WDR41: variants seen among roughly 807,000 people sequenced by gnomAD.
WDR41 encodes WD repeat domain 41.
WDR41 carries 63 observed loss-of-function variants against 69.3 expected under a neutral mutation model. The observed-to-expected ratio is 0.91, with a 90% CI of 0.74 to 1.12. WDR41 has a LOEUF of 1.12. WDR41 is among the 50% of genes most tolerant of loss of function. The pLI is 0.00. For missense variants in WDR41, 543 were observed against 534.5 expected (o/e 1.02, Z -0.16); for synonymous variants, 185 against 192.1 (o/e 0.96, Z 0.31).
intron 1 of WDR41, among the ~76,000 whole-genome samples, chr5:77,517,244 T>C (rs1802303226): frequency 6.6e-6 from 1 of 152,060 alleles, no homozygotes. Context: ...CTGCTACTAG[T>C]TTCTGCCATA....
At chr5:77,590,931 G>A (rs1398790759) in intron 1 of WDR41, among the ~76,000 whole-genome samples, 6 of 152,064 alleles carry the variant, frequency 3.9e-5, no homozygotes, top group Middle Eastern at 3.2e-3. Flanking sequence ...AAAAGTTTAT[G>A]TAAGACTTGG....
rs146975362 is a variant in WDR41 at position 77,582,389 on chromosome 5, A to G, written c.42+38090T>C. ...CCGGCTGGAACCATGGAGGGTGTAG[A>G]AGAGAAGAAGAAGGAGGTTCCTGCT... On this transcript the variant is annotated intron_variant, in intron 1 of 5. Transcript: ENST00000509971. The G allele has an allele frequency of 2.5e-6, 4 of 1,610,470 alleles. 1 individual carries two copies. In the African/African-American group the frequency reaches 4.0e-5, roughly 16 times the overall value.
Position 77,489,557 on chromosome 5 carries a change from T to C in WDR41, c.67A>G (p.Thr23Ala). 6.3e-7 allele frequency: 1 copy of C among 1,582,680 alleles called. No homozygotes were observed. Among genetic ancestry groups the C allele is most frequent in the South Asian group, 1.2e-5 (1 of 85,858 alleles). The change falls in exon 2 of 13, where the codon ACA becomes GCA. Residue 23 changes from threonine (T) to alanine (A), a missense_variant. Thr to Ala is a moderately conservative substitution (Grantham distance 58). Transcript: ENST00000296679. ...QGLAEKSPLQ[T>A]IGEEQTQNPY... ...TTCTGGGTTTGTTCTTCACCTATTG[T>C]CTGTAAAGGAGATTTCTTGTATTGA...
At chr5:77,444,723 A>G (rs1308277962) in intron 8 of WDR41, among the ~76,000 whole-genome samples, 1 of 152,250 alleles carries the variant, frequency 6.6e-6, no homozygotes, top group African/African-American at 2.4e-5. Flanking sequence ...TTTCAGGATC[A>G]CTGACATCCA....
intron 1 of WDR41, among the ~76,000 whole-genome samples, chr5:77,553,488 G>T (rs1201063494): frequency 6.6e-6 from 1 of 152,092 alleles, no homozygotes; most frequent in Non-Finnish European, 1.5e-5. Context: ...TCATAATGGG[G>T]ATTAAGTTTC....
intron 1 of WDR41, among the ~76,000 whole-genome samples, chr5:77,500,069 CA>C (rs1171852670): frequency 6.6e-6 from 1 of 152,096 alleles, no homozygotes; most frequent in Non-Finnish European, 1.5e-5. Flanking sequence ...TATGGAGAAA[CA>C]CAAAAGTCTT....
At chr5:77,507,038 T>A (rs1230947737) in intron 1 of WDR41, among the ~76,000 whole-genome samples, 1 of 152,110 alleles carries the variant, frequency 6.6e-6, no homozygotes, top group Non-Finnish European at 1.5e-5. Flanking sequence ...AGTATAATTT[T>A]AAAAAAAGAA....
intron 2 of WDR41, among the ~76,000 whole-genome samples, chr5:77,473,112 T>A (rs1006606976): frequency 6.6e-6 from 1 of 152,036 alleles, no homozygotes; most frequent in East Asian, 1.9e-4. Flanking sequence ...ACCAATGGAA[T>A]AGAACAGAGC....
At chr5:77,611,382 C>T (rs533103480) in intron 1 of WDR41, among the ~76,000 whole-genome samples, 1 of 152,220 alleles carries the variant, frequency 6.6e-6, no homozygotes, top group African/African-American at 2.4e-5. Context: ...CACACCTATT[C>T]CAAAATTGAC....
intron 1 of WDR41, among the ~76,000 whole-genome samples, chr5:77,617,088 G>C (rs1009120924): frequency 5.3e-5 from 8 of 152,102 alleles, no homozygotes; most frequent in Non-Finnish European, 1.2e-4. Context: ...ACTTTATTCT[G>C]TATCTTTTTA....
At chr5:77,586,323 T>TATTC (rs1744038462) in intron 1 of WDR41, among the ~76,000 whole-genome samples, 3 of 152,176 alleles carry the variant, frequency 2.0e-5, no homozygotes, top group East Asian at 3.9e-4. Context: ...TTTATTTATT[T>TATTC]TGAAACAGTG....
intron 1 of WDR41, among the ~76,000 whole-genome samples, chr5:77,615,768 G>A (rs975311006): frequency 6.6e-6 from 1 of 151,330 alleles, no homozygotes; most frequent in Non-Finnish European, 1.5e-5. Context: ...TGAAGCAGGT[G>A]GATCACTTGA....
intron 1 of WDR41, among the ~76,000 whole-genome samples, chr5:77,597,776 G>A (rs1744253017): frequency 6.6e-6 from 1 of 152,112 alleles, no homozygotes; most frequent in South Asian, 2.1e-4. Flanking sequence ...CAAAGAATAA[G>A]CTTAAAATAA....
intron 1 of WDR41, among the ~76,000 whole-genome samples, chr5:77,524,849 A>C (rs1802422983): frequency 6.6e-6 from 1 of 152,246 alleles, no homozygotes; most frequent in Non-Finnish European, 1.5e-5. Flanking sequence ...GATTCTCAGA[A>C]ATCTCAAGGT....
chr5:77,608,290 G>A (rs1056185585), intron 1 of WDR41, among the ~76,000 whole-genome samples: 2 of 152,192 alleles, frequency 1.3e-5, no homozygotes, highest in Admixed American at 6.5e-5. Context: ...ATTGTAAAAT[G>A]TTGATAGGGA....
At chr5:77,520,521 A>G (rs1317801755) in intron 1 of WDR41, among the ~76,000 whole-genome samples, 1 of 152,190 alleles carries the variant, frequency 6.6e-6, no homozygotes, top group Non-Finnish European at 1.5e-5. Flanking sequence ...ACCGCATTGA[A>G]CAAGGAGGTG....
At chr5:77,470,038 G>A (rs1220197024) in intron 2 of WDR41, among the ~76,000 whole-genome samples, 1 of 149,690 alleles carries the variant, frequency 6.7e-6, no homozygotes, top group Admixed American at 6.6e-5. Context: ...GAAAGGTCGG[G>A]TTACCCACGA....
chr5:77,554,789 C>T (rs1743361317), intron 1 of WDR41, among the ~76,000 whole-genome samples: 1 of 151,946 alleles, frequency 6.6e-6, no homozygotes. Flanking sequence ...GTATCTTGAA[C>T]AGTGGTAGTG....
intron 1 of WDR41, among the ~76,000 whole-genome samples, chr5:77,498,882 A>G (rs1467579715): frequency 2.6e-5 from 4 of 152,042 alleles, no homozygotes; most frequent in African/African-American, 9.6e-5. Flanking sequence ...TAAAGATTTT[A>G]TCTCAAAAGT....
Sources: allele counts gnomAD v4.1 joint callset (sites outside exome capture counted in the v4.1 genomes callset), GRCh38; gene constraint gnomAD v4.1.1; transcripts MANE v1.5; gene names NCBI Gene and HGNC (gene_info 2026-07-23, HGNC 2026-07-21).